ADCK1: variants seen among roughly 807,000 people sequenced by gnomAD.
ADCK1 encodes the protein aarF domain containing kinase 1.
A neutral mutation model predicts 52.3 loss-of-function variants in ADCK1; 41 were observed. The observed-to-expected ratio is 0.78, with a 90% CI of 0.61 to 1.02. The LOEUF (loss-of-function observed/expected upper bound fraction) is 1.02, where lower values mean the gene tolerates loss of function less well. Ranked by LOEUF, ADCK1 falls within the 50% of genes least tolerant of loss-of-function variation. ADCK1 has a pLI of 0.00. For synonymous variants in ADCK1, 250 were observed against 274.6 expected, an observed-to-expected ratio of 0.91 and a Z score of 0.89; for missense variants, 658 against 679.5, an observed-to-expected ratio of 0.97 and a Z score of 0.35.
In ADCK1 at chr14:77,859,113, G is replaced by C; in HGVS notation, c.257G>C (p.Cys86Ser). 1 of 1,612,268 alleles carries C rather than the reference G, an allele frequency of 6.2e-7. No homozygotes were observed. The highest frequency in any genetic ancestry group is 8.5e-7 in the Non-Finnish European group (1 of 1,179,694). Residue 86 changes from cysteine (C) to serine (S), a missense_variant, in exon 4 of 11, where the codon TGC becomes TCC. Coordinates refer to ENST00000238561, the MANE Select transcript of ADCK1 (RefSeq NM_020421.4). ...TCTGCCAGGCGTCTCTGTGAGCTCT[G>C]CTGTGCCAACCGGGGCACCTTCATC... The part of the protein sequence containing the change: ...LRSARRLCEL[C>S]CANRGTFIKV...
At chr14:77,867,336 G>T (rs2082683010) in intron 4 of ADCK1, among the ~76,000 whole-genome samples, 1 of 152,172 alleles carries the variant, frequency 6.6e-6, no homozygotes, top group Non-Finnish European at 1.5e-5. Context: ...GGATCTGGTG[G>T]CCATGAAGCC....
intron 4 of ADCK1, among the ~76,000 whole-genome samples, chr14:77,885,264 A>T (rs1169264415): frequency 2.0e-5 from 3 of 152,216 alleles, no homozygotes; most frequent in African/African-American, 7.2e-5. Context: ...GAATTTTGCT[A>T]TTGGGAGTCT....
chr14:77,850,782 C>G (rs1324232390), intron 3 of ADCK1, among the ~76,000 whole-genome samples: 1 of 151,362 alleles, frequency 6.6e-6, no homozygotes, highest in Non-Finnish European at 1.5e-5. Context: ...TCCCGAGTAG[C>G]TGGGACTACA....
intron 3 of ADCK1, among the ~76,000 whole-genome samples, chr14:77,848,849 G>A (rs1303318150): frequency 6.7e-5 from 10 of 149,560 alleles, no homozygotes; most frequent in African/African-American, 9.8e-5. Flanking sequence ...TTTTTGAGAC[G>A]GAGTCTCACT....
intron 4 of ADCK1, among the ~76,000 whole-genome samples, chr14:77,871,882 G>T (rs576488791): frequency 4.6e-4 from 70 of 152,214 alleles, no homozygotes; most frequent in Non-Finnish European, 8.7e-4. Context: ...GGCCAGAGAT[G>T]TTAGGTCTCA....
At chr14:77,857,629 CAA>C (rs766772647) in intron 3 of ADCK1, among the ~76,000 whole-genome samples, 3 of 152,006 alleles carry the variant, frequency 2.0e-5, no homozygotes, top group Non-Finnish European at 4.4e-5. Flanking sequence ...AAAACGAAAA[CAA>C]AAAAACTTCT....
intron 3 of ADCK1, among the ~76,000 whole-genome samples, chr14:77,849,924 A>C (rs1047260173): frequency 6.6e-6 from 1 of 152,168 alleles, no homozygotes; most frequent in South Asian, 2.1e-4. Flanking sequence ...GCTCATGCCC[A>C]TAATCCCAGT....
At chr14:77,878,392 A>G (rs2082945183) in intron 4 of ADCK1, among the ~76,000 whole-genome samples, 1 of 152,244 alleles carries the variant, frequency 6.6e-6, no homozygotes, top group Non-Finnish European at 1.5e-5. Flanking sequence ...ATAAGGAACT[A>G]CCCATGGTTG....
chr14:77,844,327 C>A (rs1238132264), intron 3 of ADCK1, among the ~76,000 whole-genome samples: 2 of 152,112 alleles, frequency 1.3e-5, no homozygotes, highest in Admixed American at 6.5e-5. Flanking sequence ...GTGTTCCAAC[C>A]ACCTCGACCT....
intron 5 of ADCK1, among the ~76,000 whole-genome samples, chr14:77,894,290 C>T (rs758706708): frequency 1.3e-5 from 2 of 152,166 alleles, no homozygotes; most frequent in Non-Finnish European, 2.9e-5. Context: ...GATTTTCGAT[C>T]CTTGTTGAAC....
At chr14:77,850,249 C>G (rs1213072194) in intron 3 of ADCK1, among the ~76,000 whole-genome samples, 1 of 152,158 alleles carries the variant, frequency 6.6e-6, no homozygotes, top group African/African-American at 2.4e-5. Flanking sequence ...GGCAAATGTT[C>G]CTCTTATACT....
At chr14:77,850,377 A>G (rs1218775519) in intron 3 of ADCK1, among the ~76,000 whole-genome samples, 3 of 152,076 alleles carry the variant, frequency 2.0e-5, no homozygotes, top group South Asian at 2.1e-4. Flanking sequence ...TTGTTATATC[A>G]TGTATTGAGA....
intron 1 of ADCK1, among the ~76,000 whole-genome samples, chr14:77,818,373 C>T (rs1342206686): frequency 6.6e-6 from 1 of 152,066 alleles, no homozygotes; most frequent in Non-Finnish European, 1.5e-5. Flanking sequence ...TCTCCTCCTC[C>T]CGGGCTCAAA....
chr14:77,864,219 G>A (rs1176865018), intron 4 of ADCK1, among the ~76,000 whole-genome samples: 2 of 152,188 alleles, frequency 1.3e-5, no homozygotes, highest in Admixed American at 6.5e-5. Flanking sequence ...TGTGCAACGG[G>A]TAGAATAATT....
intron 6 of ADCK1, among the ~76,000 whole-genome samples, chr14:77,906,570 G>C (rs756281472): frequency 2.0e-5 from 3 of 152,200 alleles, no homozygotes; most frequent in Non-Finnish European, 4.4e-5. Context: ...TTAAACAAAA[G>C]AATTTGTTGT....
intron 4 of ADCK1, among the ~76,000 whole-genome samples, chr14:77,878,292 T>C (rs1472496306): frequency 6.6e-6 from 1 of 152,254 alleles, no homozygotes; most frequent in Non-Finnish European, 1.5e-5. Flanking sequence ...TTCTCCTTTA[T>C]AAAATGTAGG....
At chr14:77,880,306 A>G (rs997747514) in intron 4 of ADCK1, among the ~76,000 whole-genome samples, 1 of 152,254 alleles carries the variant, frequency 6.6e-6, no homozygotes, top group African/African-American at 2.4e-5. Flanking sequence ...GCCTCAGTGC[A>G]GGAACAGTTT....
chr14:77,819,504 C>G (rs2081536832), intron 2 of ADCK1, among the ~76,000 whole-genome samples: 1 of 152,214 alleles, frequency 6.6e-6, no homozygotes, highest in Non-Finnish European at 1.5e-5. Flanking sequence ...TTAAATTCTA[C>G]TAGAAAACTC....
chr14:77,846,993 A>G (rs1431509630), intron 3 of ADCK1, among the ~76,000 whole-genome samples: 1 of 152,180 alleles, frequency 6.6e-6, no homozygotes, highest in African/African-American at 2.4e-5. Flanking sequence ...AGGCAGTAAC[A>G]TCACTTGTGA....
Sources: gnomAD v4.1 joint callset for allele counts (sites outside exome capture counted in the v4.1 genomes callset) on GRCh38, gnomAD v4.1.1 for gene constraint, MANE v1.5 for transcripts, NCBI Gene and HGNC (gene_info 2026-07-23, HGNC 2026-07-21) for gene names.